PDE4D: variants seen among roughly 807,000 people sequenced by gnomAD.
PDE4D encodes 3',5'-cyclic-AMP phosphodiesterase 4D.
A neutral mutation model predicts 87.4 loss-of-function variants in PDE4D; 24 were observed. The observed-to-expected ratio is 0.27, with a 90% CI of 0.20 to 0.39. The LOEUF is 0.39. Among genes scored for constraint, PDE4D ranks in the 10% least tolerant of loss-of-function variants. PDE4D has a pLI of 1.00. For synonymous variants in PDE4D, 384 were observed against 383.2 expected (o/e 1.00, Z -0.02); for missense variants, 714 against 1,041.0 (o/e 0.69, Z 4.32).
chr5:59,185,530 C>A (rs1742702252), intron 3 of PDE4D, among the ~76,000 whole-genome samples: 1 of 152,108 alleles, frequency 6.6e-6, no homozygotes, highest in African/African-American at 2.4e-5. Context: ...GTTCCTTAGT[C>A]ACCAAGACAA....
chr5:59,820,392 C>T lies in PDE4D; in HGVS notation c.455+72776G>A, dbSNP rs1434700306. ...TCAGATGAGGCTCACTTTTGCTGAA[C>T]TTCAGATGCTTTTATCATTTTCCTT... On this transcript the variant is annotated intron_variant, in intron 1 of 14. Coordinates refer to ENST00000340635, the MANE Select transcript of PDE4D (RefSeq NM_001104631.2). Among the ~76,000 whole-genome samples, 3 of 152,208 alleles carry T rather than the reference C, an allele frequency of 2.0e-5. No individual in the cohort carries two copies. The South Asian group carries it at 6.2e-4, about 32-fold the overall frequency.
At chr5:59,654,208 T>C (rs1460374976) in intron 1 of PDE4D, among the ~76,000 whole-genome samples, 2 of 149,406 alleles carry the variant, frequency 1.3e-5, no homozygotes, top group Non-Finnish European at 3.0e-5. Context: ...AAGTCTCAAA[T>C]AAATAAATAA....
chr5:59,159,303 A>ATT (rs5868163), intron 5 of PDE4D, among the ~76,000 whole-genome samples: 106 of 149,220 alleles, frequency 7.1e-4, no homozygotes, highest in South Asian at 1.3e-3. Flanking sequence ...TAATTTTTGT[A>ATT]TTTTTTTTTT....
At chr5:59,348,465 G>T in intron 1 of PDE4D, among the ~76,000 whole-genome samples, 1 of 152,064 alleles carries the variant, frequency 6.6e-6, no homozygotes, top group African/African-American at 2.4e-5. Context: ...AGAGCTGGTT[G>T]TGAACATTTA....
chr5:60,006,955 T>A (rs1303870488), intron 2 of PDE4D, among the ~76,000 whole-genome samples: 1 of 152,004 alleles, frequency 6.6e-6, no homozygotes, highest in East Asian at 1.9e-4. Flanking sequence ...TTAAATACAT[T>A]CATTTCTAGA....
At chr5:59,645,839 G>C (rs1436016475) in intron 1 of PDE4D, among the ~76,000 whole-genome samples, 1 of 152,152 alleles carries the variant, frequency 6.6e-6, no homozygotes, top group East Asian at 1.9e-4. Flanking sequence ...GAATGTATAT[G>C]AAATCACCCC....
At chr5:59,899,391 G>T (rs1360700955) in intron 3 of PDE4D, among the ~76,000 whole-genome samples, 1 of 151,638 alleles carries the variant, frequency 6.6e-6, no homozygotes, top group Non-Finnish European at 1.5e-5. Context: ...GAAAAGTTCT[G>T]GCCCTCCTCT....
In PDE4D at chr5:59,497,871, C is replaced by T. The variant is rs118025128; in HGVS notation, c.456-281903G>A. On this transcript the variant is annotated intron_variant, in intron 1 of 14. Transcript: ENST00000340635. ...TATGACCATCTTCAAGGCACACAAT[C>T]ATCAGACTATCCAAGGTCAACGTGA... is the stretch of plus-strand genomic sequence containing the variant. 1.2e-3 allele frequency among the ~76,000 whole-genome samples: 181 copies of T among 152,080 alleles called. 3 individuals are homozygous for T. The East Asian group carries it at 0.032, about 27-fold the overall frequency.
chr5:60,003,928 AAAT>A (rs1198396730), intron 2 of PDE4D, among the ~76,000 whole-genome samples: 1 of 152,136 alleles, frequency 6.6e-6, no homozygotes, highest in Non-Finnish European at 1.5e-5. Flanking sequence ...TACAATGGGG[AAAT>A]AATAGTCTCT....
intron 1 of PDE4D, among the ~76,000 whole-genome samples, chr5:59,774,103 G>A (rs1257163760): frequency 1.3e-5 from 2 of 152,192 alleles, no homozygotes; most frequent in Admixed American, 6.5e-5. Context: ...GAGGTAAGAT[G>A]CATTGGATTT....
At chr5:60,426,279 C>A (rs1360443132) in intron 1 of PDE4D, among the ~76,000 whole-genome samples, 1 of 152,160 alleles carries the variant, frequency 6.6e-6, no homozygotes, top group Non-Finnish European at 1.5e-5. Flanking sequence ...TGGAACCAAC[C>A]CAAATGTCCA....
At chr5:60,370,055 C>T (rs370374261) in intron 1 of PDE4D, among the ~76,000 whole-genome samples, 2 of 152,008 alleles carry the variant, frequency 1.3e-5, no homozygotes, top group African/African-American at 4.8e-5. Context: ...ATTAGAGAAC[C>T]CCTGCAGGAT....
intron 2 of PDE4D, among the ~76,000 whole-genome samples, chr5:60,118,045 C>T (rs1275428627): frequency 6.6e-6 from 1 of 152,172 alleles, no homozygotes; most frequent in Non-Finnish European, 1.5e-5. Context: ...AATTTAACCA[C>T]ATTCTCCTGA....
At chr5:60,098,207 A>G (rs1460239559) in intron 2 of PDE4D, among the ~76,000 whole-genome samples, 2 of 151,992 alleles carry the variant, frequency 1.3e-5, no homozygotes, top group Non-Finnish European at 2.9e-5. Flanking sequence ...GGTTAAATAG[A>G]AGGAATAAGT....
At chr5:59,584,777 T>C (rs991648633) in intron 1 of PDE4D, among the ~76,000 whole-genome samples, 1 of 152,124 alleles carries the variant, frequency 6.6e-6, no homozygotes, top group South Asian at 2.1e-4. Flanking sequence ...AAGGTACACT[T>C]GATAGAAAGG....
At chr5:60,283,125 A>T (rs1444599593) in intron 1 of PDE4D, among the ~76,000 whole-genome samples, 1 of 152,138 alleles carries the variant, frequency 6.6e-6, no homozygotes, top group Non-Finnish European at 1.5e-5. Flanking sequence ...GACTATAATT[A>T]TGAGCAGTAT....
At chr5:59,435,793 TC>T (rs1341308858) in intron 1 of PDE4D, among the ~76,000 whole-genome samples, 1 of 152,190 alleles carries the variant, frequency 6.6e-6, no homozygotes, top group Non-Finnish European at 1.5e-5. Flanking sequence ...TCAGTTACTT[TC>T]CCAAGAATAA....
intron 1 of PDE4D, among the ~76,000 whole-genome samples, chr5:59,337,398 C>A (rs1307794592): frequency 7.7e-6 from 1 of 129,140 alleles, no homozygotes; most frequent in Non-Finnish European, 1.6e-5. Context: ...GTGGTGTGAT[C>A]TCGGCTCACT....
chr5:58,983,351 G>T (rs544270025), intron 11 of PDE4D, among the ~76,000 whole-genome samples: 1 of 152,308 alleles, frequency 6.6e-6, no homozygotes, highest in African/African-American at 2.4e-5. Flanking sequence ...TATGTAATTT[G>T]TGCCTTTAGT....
Sources: allele counts gnomAD v4.1 joint callset (sites outside exome capture counted in the v4.1 genomes callset), GRCh38; gene constraint gnomAD v4.1.1; transcripts MANE v1.5; gene names NCBI Gene and HGNC (gene_info 2026-07-23, HGNC 2026-07-21).